UST: variants seen among roughly 807,000 people sequenced by gnomAD.
UST encodes the protein chondroitin sulfate 2-O-sulfotransferase.
UST carries 21 observed loss-of-function variants against 45.6 expected under a neutral mutation model. The observed-to-expected ratio is 0.46, with a 90% CI of 0.33 to 0.66. UST has a LOEUF of 0.66. Among genes scored for constraint, UST ranks in the 30% least tolerant of loss-of-function variants. The probability of loss-of-function intolerance (pLI) is 0.02; values close to 1 mark genes in which losing one functional copy is unlikely to be tolerated. For missense variants in UST, 463 were observed against 512.4 expected (o/e 0.90, Z 0.93); for synonymous variants, 215 against 200.6 (o/e 1.07, Z -0.61).
intron 7 of UST, among the ~76,000 whole-genome samples, chr6:149,037,120 G>A (rs1002135077): frequency 1.3e-5 from 2 of 152,148 alleles, no homozygotes; most frequent in African/African-American, 4.8e-5. Flanking sequence ...CTCGGGGGGT[G>A]AGCACAGCCA....
At chr6:148,952,208 C>T (rs1350592306) in intron 3 of UST, among the ~76,000 whole-genome samples, 2 of 152,184 alleles carry the variant, frequency 1.3e-5, no homozygotes, top group Non-Finnish European at 1.5e-5. Flanking sequence ...GTCTCCAAAC[C>T]AGTAATTCCA....
intron 1 of UST, among the ~76,000 whole-genome samples, chr6:148,819,182 CCTGAAA>C (rs1328475240): frequency 6.6e-6 from 1 of 152,048 alleles, no homozygotes; most frequent in African/African-American, 2.4e-5. Context: ...TGCTTTTCAG[CCTGAAA>C]AATAGTCTGA....
rs1341332367 is a variant in UST, at chr6:148,790,977, A to G, written c.247+43300A>G. On this transcript the variant is annotated intron_variant, in intron 1 of 7. Transcript: ENST00000367463. The surrounding 1 kb of genome is among the most constrained non-coding windows in gnomAD (Gnocchi z 4.2). Reference sequence around the variant, plus strand: ...CGCAACAGTTAAAGGTGCACGCGTTAGTGAAACCTCGCAACACATCAGTGA... The same window carrying G: ...CGCAACAGTTAAAGGTGCACGCGTTGGTGAAACCTCGCAACACATCAGTGA... Among the ~76,000 whole-genome samples the G allele has an allele frequency of 1.3e-5, 2 of 152,250 alleles. No individual in the cohort carries two copies. The highest frequency in any genetic ancestry group is 3.8e-4 in the East Asian group (2 of 5,198).
At chr6:148,992,232 C>G (rs1234572343) in intron 5 of UST, among the ~76,000 whole-genome samples, 1 of 152,140 alleles carries the variant, frequency 6.6e-6, no homozygotes, top group African/African-American at 2.4e-5. Context: ...AGGCCGATCG[C>G]GGTGGCTCAC....
chr6:148,975,650 G>A lies in UST; in HGVS notation c.681+11087G>A, dbSNP rs372253336. ...CCTCACAACTGCATGTGAATTTACA[G>A]TTATCTCAATAAAATTTCAGTTAGA... On this transcript the variant is annotated intron_variant, in intron 5 of 7. Transcript: ENST00000367463. Among the ~76,000 whole-genome samples, 6 of 152,228 alleles carry A rather than the reference G, an allele frequency of 3.9e-5. No individual in the cohort carries two copies. The East Asian group carries it at 7.7e-4, about 20-fold the overall frequency.
intron 1 of UST, among the ~76,000 whole-genome samples, chr6:148,858,788 G>A (rs1019736017): frequency 6.6e-6 from 1 of 152,086 alleles, no homozygotes; most frequent in Non-Finnish European, 1.5e-5. Context: ...CAGAATGATC[G>A]TTTCCAGCTT....
intron 5 of UST, among the ~76,000 whole-genome samples, chr6:148,977,795 C>T (rs1781049211): frequency 6.6e-6 from 1 of 151,298 alleles, no homozygotes; most frequent in Non-Finnish European, 1.5e-5. Flanking sequence ...GCTTGTTCAG[C>T]CGTCCGCTAC....
intron 2 of UST, among the ~76,000 whole-genome samples, chr6:148,906,377 A>C (rs2114871462): frequency 6.6e-6 from 1 of 152,332 alleles, no homozygotes; most frequent in South Asian, 2.1e-4. Context: ...TTAGAATATG[A>C]TTGTTTGCTA....
chr6:149,066,417 C>T (rs1776730500), intron 7 of UST, among the ~76,000 whole-genome samples: 1 of 151,726 alleles, frequency 6.6e-6, no homozygotes, highest in Non-Finnish European at 1.5e-5. Flanking sequence ...GGCAAGGAGC[C>T]AGTTGAGAGG....
intron 7 of UST, among the ~76,000 whole-genome samples, chr6:149,063,800 TA>T (rs1776692838): frequency 6.6e-6 from 1 of 152,170 alleles, no homozygotes; most frequent in Admixed American, 6.5e-5. Context: ...AATACAAAGA[TA>T]AATGGGGTAT....
At chr6:149,035,571 A>G (rs1776229095) in intron 7 of UST, among the ~76,000 whole-genome samples, 1 of 152,078 alleles carries the variant, frequency 6.6e-6, no homozygotes, top group Non-Finnish European at 1.5e-5. Flanking sequence ...CCTGGACAAC[A>G]TGGTGAAACC....
chr6:148,814,908 GC>G (rs1398873361), intron 1 of UST, among the ~76,000 whole-genome samples: 2 of 152,162 alleles, frequency 1.3e-5, no homozygotes, highest in African/African-American at 4.8e-5. Flanking sequence ...AATACACTAA[GC>G]CAACTTACTC....
chr6:148,884,222 T>C (rs1778873363), intron 1 of UST, among the ~76,000 whole-genome samples: 1 of 152,098 alleles, frequency 6.6e-6, no homozygotes, highest in South Asian at 2.1e-4. Flanking sequence ...AAGCCATTGC[T>C]AAGATTTTGG....
chr6:149,002,880 G>C (rs573591435), intron 5 of UST, among the ~76,000 whole-genome samples: 1 of 152,104 alleles, frequency 6.6e-6, no homozygotes, highest in Non-Finnish European at 1.5e-5. Flanking sequence ...CTACCAAGAA[G>C]ATATTCTATA....
intron 1 of UST, among the ~76,000 whole-genome samples, chr6:148,787,966 A>G (rs1337444472): frequency 2.6e-5 from 4 of 152,228 alleles, no homozygotes; most frequent in Non-Finnish European, 5.9e-5. Context: ...TTTAAAAAAT[A>G]GATTGCTTGT....
intron 1 of UST, among the ~76,000 whole-genome samples, chr6:148,825,675 C>T (rs150033313): frequency 6.0e-4 from 92 of 152,262 alleles, no homozygotes; most frequent in African/African-American, 1.5e-3. Context: ...AAGATATTGG[C>T]GTAACATTGC....
In UST at chr6:148,747,538, C is replaced by G; in HGVS notation, c.108C>G (p.Pro36=). Residue 36 remains proline (P), a synonymous_variant, in exon 1 of 8, where the codon CCC becomes CCG. Transcript: ENST00000367463. ...TGGGCAGCTGGAAGCGTCGGGTGCC[C>G]CTGCTGCCTTTCCTGCGCTTCTCCC... is the stretch of plus-strand genomic sequence containing the variant. The part of the protein sequence containing the change: ...PGLGSWKRRV[P]LLPFLRFSLR... 3 of 1,556,556 alleles carry G rather than the reference C, an allele frequency of 1.9e-6. No homozygotes were observed. Among genetic ancestry groups the G allele is most frequent in the Non-Finnish European group, 2.6e-6 (3 of 1,152,858 alleles).
chr6:149,047,895 A>C (rs1776416617), intron 7 of UST, among the ~76,000 whole-genome samples: 1 of 152,228 alleles, frequency 6.6e-6, no homozygotes, highest in Non-Finnish European at 1.5e-5. Flanking sequence ...ATTCAAAAAT[A>C]CTAGAAAGCT....
intron 1 of UST, among the ~76,000 whole-genome samples, chr6:148,878,197 G>C (rs990590780): frequency 8.0e-6 from 1 of 124,834 alleles, no homozygotes; most frequent in African/African-American, 3.1e-5. Flanking sequence ...GATCATGTAC[G>C]AGTGTGAGGG....
Sources: allele counts gnomAD v4.1 joint callset (sites outside exome capture counted in the v4.1 genomes callset), GRCh38; gene constraint gnomAD v4.1.1; non-coding constraint Gnocchi (gnomAD v3.1); transcripts MANE v1.5; gene names NCBI Gene and HGNC (gene_info 2026-07-23, HGNC 2026-07-21).